Variants in SCLT1 observed in about 807,000 individuals in gnomAD.
SCLT1 encodes the protein sodium channel-associated protein 1.
SCLT1 carries 78 observed loss-of-function variants against 112.8 expected under a neutral mutation model. The ratio of observed to expected loss-of-function variants is 0.69; its 90% CI spans 0.58 to 0.83. The LOEUF (loss-of-function observed/expected upper bound fraction) is 0.83, where lower values mean the gene tolerates loss of function less well. Among genes scored for constraint, SCLT1 ranks in the 40% least tolerant of loss-of-function variants. The probability of loss-of-function intolerance (pLI) is 0.00; values close to 1 mark genes in which losing one functional copy is unlikely to be tolerated. For synonymous variants in SCLT1, 257 were observed against 254.7 expected (o/e 1.01, Z -0.09); for missense variants, 747 against 770.4 (o/e 0.97, Z 0.36).
intron 9 of SCLT1, among the ~76,000 whole-genome samples, chr4:128,974,215 A>T (rs1740950263): frequency 6.6e-6 from 1 of 152,148 alleles, no homozygotes; most frequent in Non-Finnish European, 1.5e-5. Flanking sequence ...GTAAAGTATT[A>T]ATTTACAGCT....
intron 8 of SCLT1, 141 bp downstream of exon 8, chr4:128,997,733 A>G (rs1159185879): frequency 4.4e-6 from 2 of 456,366 alleles, no homozygotes; most frequent in Non-Finnish European, 7.9e-6. Flanking sequence ...GTGTCATGCT[A>G]TTGAATGAGA....
chr4:128,954,338 A>C (rs1179060175), intron 13 of SCLT1, among the ~76,000 whole-genome samples: 1 of 86,034 alleles, frequency 1.2e-5, no homozygotes, highest in Non-Finnish European at 2.2e-5. Context: ...TTTTTTTTTG[A>C]GACAGAGTCT....
At chr4:128,948,391 C>T (rs2125996843) in intron 15 of SCLT1, 105 bp downstream of exon 15, 3 of 586,974 alleles carry the variant, frequency 5.1e-6, no homozygotes, top group Non-Finnish European at 4.8e-6. Flanking sequence ...CAGGACAATA[C>T]TAACAAATAA....
At chr4:129,006,673 C>T (rs1744057738) in intron 5 of SCLT1, among the ~76,000 whole-genome samples, 1 of 152,006 alleles carries the variant, frequency 6.6e-6, no homozygotes, top group African/African-American at 2.4e-5. Flanking sequence ...GAAGGACTAC[C>T]TATACATAGT....
chr4:129,089,259 C>T (rs1215510270), intron 1 of SCLT1, among the ~76,000 whole-genome samples: 1 of 152,216 alleles, frequency 6.6e-6, no homozygotes, highest in Non-Finnish European at 1.5e-5. Context: ...TGAAAAAATG[C>T]TCATCATCAC....
At chr4:129,055,535 G>C (rs564811436) in intron 2 of SCLT1, among the ~76,000 whole-genome samples, 1 of 152,160 alleles carries the variant, frequency 6.6e-6, no homozygotes, top group Non-Finnish European at 1.5e-5. Flanking sequence ...ATTGTGTTGA[G>C]TTCTGCCCAG....
At chr4:128,908,345 T>C (rs1185879247) in intron 18 of SCLT1, among the ~76,000 whole-genome samples, 2 of 149,514 alleles carry the variant, frequency 1.3e-5, no homozygotes, top group Non-Finnish European at 3.0e-5. Flanking sequence ...TTTTGTAATT[T>C]GCTGGTACCT....
chr4:128,998,287 T>C (rs1743180767), intron 7 of SCLT1, among the ~76,000 whole-genome samples: 1 of 151,854 alleles, frequency 6.6e-6, no homozygotes, highest in Admixed American at 6.6e-5. Context: ...TGTCCAATAT[T>C]GGAACGTCAC....
At chr4:129,082,417 T>C (rs1319179608) in intron 1 of SCLT1, 44 bp from the exon 2 acceptor site, 1 of 1,225,358 alleles carries the variant, frequency 8.2e-7, no homozygotes, top group African/African-American at 1.5e-5. Flanking sequence ...TGAGTAATGG[T>C]CAATTCTTTA....
chr4:128,918,620 A>G (rs1022002654), intron 18 of SCLT1, among the ~76,000 whole-genome samples: 1 of 152,190 alleles, frequency 6.6e-6, no homozygotes, highest in Non-Finnish European at 1.5e-5. Context: ...AAATGCTCCA[A>G]ATTAAACGGC....
chr4:128,904,410 A>G (rs975087396), intron 18 of SCLT1, among the ~76,000 whole-genome samples: 2 of 152,182 alleles, frequency 1.3e-5, no homozygotes, highest in Non-Finnish European at 2.9e-5. Context: ...AAGTTTACTA[A>G]GTAATTTACA....
At chr4:129,039,326 C>T (rs1420983471) in intron 4 of SCLT1, 1 of 389,036 alleles carries the variant, frequency 2.6e-6, no homozygotes, top group Non-Finnish European at 4.6e-6. Context: ...TTTTATGTAA[C>T]ATGGTGAGAA....
chr4:129,027,777 C>A (rs149156270), intron 5 of SCLT1, among the ~76,000 whole-genome samples: 6,859 of 152,132 alleles, frequency 0.045, 254 homozygotes, highest in Non-Finnish European at 0.068. Context: ...TCTAGAAAAC[C>A]CCATCGTCTC....
intron 2 of SCLT1, among the ~76,000 whole-genome samples, chr4:129,056,115 C>A (rs1164400764): frequency 6.6e-6 from 1 of 152,152 alleles, no homozygotes; most frequent in Non-Finnish European, 1.5e-5. Flanking sequence ...TGGTCTGCAA[C>A]CACTGCCTAA....
chr4:129,016,454 G>T (rs1380590013), intron 5 of SCLT1, among the ~76,000 whole-genome samples: 4 of 152,106 alleles, frequency 2.6e-5, no homozygotes, highest in Non-Finnish European at 5.9e-5. Flanking sequence ...TTTTTTAAAG[G>T]CCAACCCTGT....
chr4:129,004,024 TAATTACCATTA>T, intron 5 of SCLT1, 148 bp from the exon 6 acceptor site: 2 of 673,898 alleles, frequency 3.0e-6, no homozygotes, highest in Non-Finnish European at 5.0e-6. Context: ...TAGAAGTGTT[TAATTACCATTA>T]AATACTGTGC....
At chr4:128,931,126 GGA>G (rs367933762) in intron 18 of SCLT1, among the ~76,000 whole-genome samples, 2 of 151,506 alleles carry the variant, frequency 1.3e-5, no homozygotes, top group Non-Finnish European at 1.5e-5. Flanking sequence ...AGTGGTGGGG[GGA>G]GAGAGAGAGA....
chr4:129,007,434 C>A (rs1469732114), intron 5 of SCLT1, among the ~76,000 whole-genome samples: 3 of 152,134 alleles, frequency 2.0e-5, no homozygotes, highest in African/African-American at 7.2e-5. Flanking sequence ...AGTGCTTACA[C>A]ATTCAGAACT....
chr4:129,022,480 A>T (rs1368680661), intron 5 of SCLT1, among the ~76,000 whole-genome samples: 2 of 152,224 alleles, frequency 1.3e-5, no homozygotes, highest in Non-Finnish European at 2.9e-5. Context: ...AAAACACAGC[A>T]CGAGAACTTA....
Sources: gnomAD v4.1 joint callset for allele counts (sites outside exome capture counted in the v4.1 genomes callset) on GRCh38, gnomAD v4.1.1 for gene constraint, MANE v1.5 for transcripts, NCBI Gene and HGNC (gene_info 2026-07-23, HGNC 2026-07-21) for gene names.